The following NUDT9 variants were observed in gnomAD, a reference collection of about 807,000 sequenced individuals.
NUDT9 encodes the protein ADP-ribose pyrophosphatase.
A neutral mutation model predicts 41.0 loss-of-function variants in NUDT9; 31 were observed. That is an observed-to-expected ratio of 0.76 (90% CI 0.57 to 1.02). The LOEUF is 1.02. NUDT9 is among the 50% of genes least tolerant of loss of function. NUDT9 has a pLI of 0.00. For synonymous variants in NUDT9, 146 were observed against 147.6 expected, an observed-to-expected ratio of 0.99 and a Z score of 0.08; for missense variants, 380 against 431.4, an observed-to-expected ratio of 0.88 and a Z score of 1.06.
chr4:87,436,241 C>T (rs1389822710), intron 2 of NUDT9, among the ~76,000 whole-genome samples: 1 of 152,188 alleles, frequency 6.6e-6, no homozygotes, highest in African/African-American at 2.4e-5. Flanking sequence ...ACTGTAGTCA[C>T]CACACTGTGC....
At chr4:87,448,410 C>A (rs2110185218) in intron 4 of NUDT9, among the ~76,000 whole-genome samples, 1 of 152,206 alleles carries the variant, frequency 6.6e-6, no homozygotes, top group East Asian at 1.9e-4. Flanking sequence ...TCCCAAAGTG[C>A]TGGGATTTCA....
Position 87,422,625 on chromosome 4 carries a change from G to A in NUDT9, c.-281G>A. The A allele has an allele frequency of 3.1e-6, 1 of 327,218 alleles. No individual in the cohort carries two copies. Among genetic ancestry groups the A allele is most frequent in the Admixed American group, 4.9e-5 (1 of 20,238 alleles). The allele number at this position is 327,218 out of a possible 1,614,324, so 20.3% of individuals were successfully genotyped here. ...CAGAGAGAAAGTTACGAGGTTCGTG[G>A]CCGCGGTTTCCCCAGGCAGCTGGCG... On this transcript the variant is annotated 5_prime_UTR_variant, in exon 1 of 8. Transcript: ENST00000302174.
intron 3 of NUDT9, among the ~76,000 whole-genome samples, chr4:87,439,041 C>G (rs940652546): frequency 6.6e-6 from 1 of 151,982 alleles, no homozygotes; most frequent in Non-Finnish European, 1.5e-5. Flanking sequence ...GTGGCGGGCA[C>G]CTGTAATCCC....
intron 4 of NUDT9, among the ~76,000 whole-genome samples, chr4:87,443,337 AATC>A (rs992417065): frequency 1.3e-5 from 2 of 152,352 alleles, no homozygotes; most frequent in South Asian, 2.1e-4. Context: ...CTTTATATAA[AATC>A]ATAGTGATGC....
chr4:87,433,130 G>A (rs1014137265), intron 1 of NUDT9, among the ~76,000 whole-genome samples: 1 of 151,944 alleles, frequency 6.6e-6, no homozygotes, highest in Non-Finnish European at 1.5e-5. Context: ...CTGGTCCTGG[G>A]TTTTTCTTTG....
intron 1 of NUDT9, among the ~76,000 whole-genome samples, chr4:87,425,530 G>A (rs1488117680): frequency 6.6e-6 from 1 of 150,526 alleles, no homozygotes; most frequent in Non-Finnish European, 1.5e-5. Flanking sequence ...TAGTAGCTAG[G>A]ATTACAGGCG....
At chr4:87,442,304 G>C (rs1722238928) in intron 4 of NUDT9, among the ~76,000 whole-genome samples, 1 of 152,092 alleles carries the variant, frequency 6.6e-6, no homozygotes, top group South Asian at 2.1e-4. Flanking sequence ...TCTAAACATA[G>C]GGAAAGTAGG....
At chr4:87,444,002 T>A (rs1477114480) in intron 4 of NUDT9, among the ~76,000 whole-genome samples, 1 of 152,156 alleles carries the variant, frequency 6.6e-6, no homozygotes, top group East Asian at 1.9e-4. Flanking sequence ...ATTAAGAAGG[T>A]CAGTGAATCT....
At chr4:87,431,741 G>A (rs1368887013) in intron 1 of NUDT9, among the ~76,000 whole-genome samples, 2 of 151,990 alleles carry the variant, frequency 1.3e-5, no homozygotes, top group Non-Finnish European at 2.9e-5. Context: ...TTTTTGAGAT[G>A]GAGCCTTGAT....
At position 87,449,223 on chromosome 4, in the gene NUDT9, G is replaced by A; in HGVS notation, c.612G>A (p.Arg204=). The stretch of plus-strand genomic sequence containing the variant: ...TCTTACAATTTGTTGCAATAAAAAG[G>A]AAAGACTGTGGAGAATGGGCAATCC... ...KHILQFVAIK[R]KDCGEWAIPG... Residue 204 remains arginine (R), a synonymous_variant, in exon 5 of 8, where the codon AGG becomes AGA. Coordinates refer to ENST00000302174, the MANE Select transcript of NUDT9 (RefSeq NM_024047.5). 1 of 1,607,266 alleles carries A rather than the reference G, an allele frequency of 6.2e-7. No individual in the cohort carries two copies. Among genetic ancestry groups the A allele is most frequent in the Non-Finnish European group, 8.5e-7 (1 of 1,174,016 alleles).
chr4:87,445,350 C>CA (rs1722397782), intron 4 of NUDT9: 1 of 152,136 alleles, frequency 6.6e-6, no homozygotes, highest in Non-Finnish European at 1.5e-5. Context: ...GAGAATCACC[C>CA]AGGCACTTTC....
chr4:87,443,766 C>T (rs1047932912), intron 4 of NUDT9, among the ~76,000 whole-genome samples: 4 of 152,102 alleles, frequency 2.6e-5, no homozygotes, highest in African/African-American at 9.7e-5. Flanking sequence ...TGAGTAGAGA[C>T]CAGCTTGGTT....
At chr4:87,425,842 C>CT (rs1287070645) in intron 1 of NUDT9, among the ~76,000 whole-genome samples, 1 of 150,650 alleles carries the variant, frequency 6.6e-6, no homozygotes, top group Admixed American at 6.6e-5. Context: ...TTTAATTGCT[C>CT]TGTCACCTAG....
At chr4:87,423,797 C>T (rs941794088) in intron 1 of NUDT9, among the ~76,000 whole-genome samples, 2 of 152,124 alleles carry the variant, frequency 1.3e-5, no homozygotes, top group Non-Finnish European at 2.9e-5. Context: ...GTTTTCAGTA[C>T]ATGGGTCGCT....
chr4:87,425,546 C>T (rs550165786), intron 1 of NUDT9, among the ~76,000 whole-genome samples: 4 of 151,524 alleles, frequency 2.6e-5, no homozygotes, highest in African/African-American at 9.7e-5. Flanking sequence ...AGGCGCCCAT[C>T]ACCATGCCTG....
chr4:87,438,905 G>A (rs978077216), intron 3 of NUDT9, among the ~76,000 whole-genome samples: 5 of 151,720 alleles, frequency 3.3e-5, no homozygotes, highest in South Asian at 2.1e-4. Context: ...AGTGGCTCAC[G>A]CCTGTAATCC....
chr4:87,450,378 C>CTTTTTTTTTT (rs59228872), intron 5 of NUDT9, among the ~76,000 whole-genome samples: 11 of 102,302 alleles, frequency 1.1e-4, no homozygotes, highest in Non-Finnish European at 1.6e-4. Flanking sequence ...TTTTCTTTTT[C>CTTTTTTTTTT]TTTTTTTTTT....
chr4:87,435,537 G>C (rs542057109), intron 2 of NUDT9, among the ~76,000 whole-genome samples: 9 of 152,278 alleles, frequency 5.9e-5, no homozygotes, highest in African/African-American at 1.9e-4. Context: ...GATGGTATTT[G>C]TTTTCATGTG....
At chr4:87,454,322 A>G (rs757441135) in intron 6 of NUDT9, 49 bp from the exon 7 acceptor site, 11 of 976,954 alleles carry the variant, frequency 1.1e-5, no homozygotes, top group Admixed American at 5.1e-5. Flanking sequence ...GCTCTGCTGT[A>G]CTCACTACAC....
Sources: gnomAD v4.1 joint callset for allele counts (sites outside exome capture counted in the v4.1 genomes callset) on GRCh38, gnomAD v4.1.1 for gene constraint, MANE v1.5 for transcripts, NCBI Gene and HGNC (gene_info 2026-07-23, HGNC 2026-07-21) for gene names.